Variants in ROBO2 observed in about 807,000 individuals in gnomAD.
The protein encoded by ROBO2 is roundabout homolog 2.
In ROBO2, 53 loss-of-function variants were observed where a neutral mutation model predicts 160.8. That is an observed-to-expected ratio of 0.33 (90% CI 0.26 to 0.41). The LOEUF is 0.41. Among genes scored for constraint, ROBO2 ranks in the 10% least tolerant of loss-of-function variants. The probability of loss-of-function intolerance (pLI) is 1.00; values close to 1 mark genes in which losing one functional copy is unlikely to be tolerated. For missense variants in ROBO2, 1,577 were observed against 1,722.4 expected, an observed-to-expected ratio of 0.92 and a Z score of 1.49; for synonymous variants, 664 against 611.7, an observed-to-expected ratio of 1.09 and a Z score of -1.26.
intron 2 of ROBO2, among the ~76,000 whole-genome samples, chr3:77,301,057 CAG>C (rs148449162): frequency 0.037 from 5,673 of 151,662 alleles, 337 homozygotes; most frequent in African/African-American, 0.13. Flanking sequence ...TTAGTAGAGA[CAG>C]GGTTTCACCA....
chr3:77,325,804 C>CAAT (rs71629645), intron 2 of ROBO2, among the ~76,000 whole-genome samples: 3 of 151,840 alleles, frequency 2.0e-5, no homozygotes, highest in Non-Finnish European at 4.4e-5. Context: ...CCAATTCTAA[C>CAAT]AGTTTCAGAG....
chr3:76,885,099 G>A (rs1224720574), intron 2 of ROBO2, among the ~76,000 whole-genome samples: 1 of 152,086 alleles, frequency 6.6e-6, no homozygotes, highest in Non-Finnish European at 1.5e-5. Flanking sequence ...CTTGAGACTT[G>A]AGCCAGGAGA....
chr3:76,616,702 A>T (rs1016193692), intron 2 of ROBO2, among the ~76,000 whole-genome samples: 2 of 152,208 alleles, frequency 1.3e-5, no homozygotes, highest in South Asian at 4.1e-4. Context: ...TGTAAGACAT[A>T]TTGCCAACCA....
intron 21 of ROBO2, among the ~76,000 whole-genome samples, chr3:77,612,079 A>T (rs1005657533): frequency 1.3e-5 from 2 of 152,174 alleles, no homozygotes; most frequent in Non-Finnish European, 2.9e-5. Context: ...CATCTTTATC[A>T]TTAGTTGCCA....
At chr3:76,707,315 G>A (rs1230822760) in intron 2 of ROBO2, among the ~76,000 whole-genome samples, 1 of 151,994 alleles carries the variant, frequency 6.6e-6, no homozygotes, top group African/African-American at 2.4e-5. Context: ...GAGAATAATA[G>A]GTGATTCCTT....
intron 2 of ROBO2, among the ~76,000 whole-genome samples, chr3:76,487,816 T>A (rs1357852193): frequency 6.6e-6 from 1 of 152,230 alleles, no homozygotes; most frequent in Non-Finnish European, 1.5e-5. Flanking sequence ...TCTTGCTGGC[T>A]GGCTGCTCCT....
At chr3:76,408,514 G>C (rs116723685) in intron 2 of ROBO2, among the ~76,000 whole-genome samples, 3,285 of 152,082 alleles carry the variant, frequency 0.022, 48 homozygotes, top group Non-Finnish European at 0.034. Context: ...TCTCATTTAA[G>C]AAAGCTTCAA....
intron 2 of ROBO2, among the ~76,000 whole-genome samples, chr3:77,427,652 GAAA>G (rs2078340459): frequency 6.6e-6 from 1 of 152,188 alleles, no homozygotes; most frequent in Non-Finnish European, 1.5e-5. Flanking sequence ...GAAAAAGAAA[GAAA>G]ATAACAGCAA....
intron 2 of ROBO2, among the ~76,000 whole-genome samples, chr3:77,159,281 C>T (rs1252186787): frequency 1.3e-5 from 2 of 152,146 alleles, no homozygotes; most frequent in African/African-American, 2.4e-5. Flanking sequence ...CCCCAACCAT[C>T]ATTACCCTTT....
chr3:77,101,891 T>A (rs12633285), intron 2 of ROBO2, among the ~76,000 whole-genome samples: 1 of 151,792 alleles, frequency 6.6e-6, no homozygotes, highest in Non-Finnish European at 1.5e-5. Flanking sequence ...AATACAAAAC[T>A]TAGCCAGGTA....
chr3:77,361,776 G>A (rs527940519), intron 2 of ROBO2, among the ~76,000 whole-genome samples: 10 of 152,248 alleles, frequency 6.6e-5, no homozygotes, highest in Admixed American at 3.3e-4. Flanking sequence ...GAATTTTGGA[G>A]GGACATGAAC....
chr3:76,414,436 A>G (rs2075652779), intron 2 of ROBO2, among the ~76,000 whole-genome samples: 1 of 152,084 alleles, frequency 6.6e-6, no homozygotes, highest in Non-Finnish European at 1.5e-5. Context: ...CTATGCAGCC[A>G]TAAAAAATGA....
At chr3:76,077,044 T>G (rs2068665621) in intron 2 of ROBO2, among the ~76,000 whole-genome samples, 1 of 152,224 alleles carries the variant, frequency 6.6e-6, no homozygotes, top group East Asian at 1.9e-4. Context: ...TAGTGCAAAG[T>G]GAATTTTGTT....
intron 2 of ROBO2, among the ~76,000 whole-genome samples, chr3:77,377,188 A>C (rs1021369937): frequency 6.6e-6 from 1 of 152,206 alleles, no homozygotes; most frequent in African/African-American, 2.4e-5. Context: ...TTATTCAAAA[A>C]CATAAAATTC....
chr3:77,332,170 T>C (rs558862597), intron 2 of ROBO2, among the ~76,000 whole-genome samples: 2 of 152,352 alleles, frequency 1.3e-5, no homozygotes, highest in South Asian at 2.1e-4. Context: ...TATATTAATA[T>C]ACGTAATGTA....
chr3:77,211,928 G>T (rs376519794), intron 2 of ROBO2, among the ~76,000 whole-genome samples: 7 of 152,090 alleles, frequency 4.6e-5, no homozygotes, highest in African/African-American at 1.4e-4. Context: ...TGTTCCATTG[G>T]TCTATAACTC....
At chr3:76,302,024 T>C (rs1222203973) in intron 2 of ROBO2, among the ~76,000 whole-genome samples, 1 of 152,050 alleles carries the variant, frequency 6.6e-6, no homozygotes, top group Non-Finnish European at 1.5e-5. Context: ...TGAAACTTAA[T>C]GGAGCAAAGC....
At chr3:76,202,485 C>G (rs978195) in intron 2 of ROBO2, among the ~76,000 whole-genome samples, 122,325 of 152,132 alleles carry the variant, frequency 0.8, 50,872 homozygotes, top group Middle Eastern at 0.92. Flanking sequence ...CTTTATCCCA[C>G]CACAAAGGAT....
intron 2 of ROBO2, among the ~76,000 whole-genome samples, chr3:76,660,020 A>G (rs2091750246): frequency 6.6e-6 from 1 of 152,192 alleles, no homozygotes; most frequent in Non-Finnish European, 1.5e-5. Context: ...TCCAGTATGG[A>G]CTGTAGACAA....
Sources: allele counts gnomAD v4.1 joint callset (sites outside exome capture counted in the v4.1 genomes callset), GRCh38; gene constraint gnomAD v4.1.1; transcripts MANE v1.5; gene names NCBI Gene and HGNC (gene_info 2026-07-23, HGNC 2026-07-21).